Variants in PARP10 observed in about 807,000 individuals in gnomAD.
PARP10 encodes the protein poly(ADP-ribose) polymerase family member 10.
Under a neutral mutation model 82.4 loss-of-function variants are expected in PARP10, and 56 were observed. That is an observed-to-expected ratio of 0.68 (90% CI 0.55 to 0.85). The LOEUF (loss-of-function observed/expected upper bound fraction) is 0.85, where lower values mean the gene tolerates loss of function less well. PARP10 is among the 40% of genes least tolerant of loss of function. The pLI is 0.00. For synonymous variants in PARP10, 576 were observed against 601.1 expected (o/e 0.96, Z 0.61); for missense variants, 1,227 against 1,379.4 (o/e 0.89, Z 1.75).
At position 143,983,266 on chromosome 8, in the gene PARP10, C is replaced by T. The variant is rs1315540211; in HGVS notation, c.2323G>A (p.Gly775Arg). 4.3e-6 allele frequency: 7 copies of T among 1,612,848 alleles called. No individual in the cohort carries two copies. Among genetic ancestry groups the T allele is most frequent in the South Asian group, 2.2e-5 (2 of 91,004 alleles). Residue 775 changes from glycine to arginine, a missense_variant, in exon 8 of 11, where the codon GGG becomes AGG. Transcript: ENST00000313028. Reference sequence around the variant, plus strand: ...CGGGCAGCACGGGCAGGGTGGGCCCCGAAGCCACGGAGGATGGTGCAGTCA... The same window carrying T: ...CGGGCAGCACGGGCAGGGTGGGCCCTGAAGCCACGGAGGATGGTGCAGTCA... ...RGDCTILRGF[G>R]AHPARAARHL...
At chr8:144,012,512 G>C in intron 1 of PARP10, 1 of 1,551,586 alleles carries the variant, frequency 6.4e-7, no homozygotes, top group Admixed American at 2.0e-5. Context: ...CACTGCCCCA[G>C]GGCATGTCTC....
At chr8:143,982,839 T>C in intron 9 of PARP10, 93 bp downstream of exon 9, 1 of 1,541,346 alleles carries the variant, frequency 6.5e-7, no homozygotes, top group Non-Finnish European at 8.7e-7. Context: ...GACCTTGATG[T>C]AGGCGAGAGG....
At position 143,977,826 on chromosome 8, in the gene PARP10, C is replaced by T. The variant is rs1554746660; in HGVS notation, c.2736G>A (p.Thr912=). 8.8e-6 allele frequency: 14 copies of T among 1,598,386 alleles called. No individual in the cohort carries two copies. Among genetic ancestry groups the T allele is most frequent in the Non-Finnish European group, 1.2e-5 (14 of 1,172,746 alleles). Residue 912 remains threonine, a synonymous_variant, in exon 11 of 11, where the codon ACG becomes ACA. Transcript: ENST00000313028. ...FNRSFCGRNA[T]VYGKGVYFAR... ...CGAAATACACGCCCTTCCCGTAGAC[C>T]GTGGCTGCAGGGCGAGACGGGGCAA...
Position 143,977,388 on chromosome 8 carries a change from G to C in PARP10, c.*96C>G. The C allele has an allele frequency of 8.3e-7, 1 of 1,207,766 alleles. No homozygotes were observed. The highest frequency in any genetic ancestry group is 2.6e-5 in the East Asian group (1 of 38,794). 74.8% of individuals were successfully genotyped at this position (1,207,766 alleles called of 1,614,324 possible). A position where few individuals can be genotyped will look rare whatever the true frequency, so the allele number is the denominator to read the frequency against. On this transcript the variant is annotated 3_prime_UTR_variant, in exon 11 of 11. Transcript: ENST00000313028. Reference sequence around the variant, plus strand: ...GCAGAGGGAGGCAGGGGCGTCCCCGGGGACAGCTCAGGCGGCCACAGTTGG... The same window carrying C: ...GCAGAGGGAGGCAGGGGCGTCCCCGCGGACAGCTCAGGCGGCCACAGTTGG...
chr8:143,980,032 C>A (rs1384877719), intron 9 of PARP10, among the ~76,000 whole-genome samples: 10 of 124,078 alleles, frequency 8.1e-5, no homozygotes, highest in East Asian at 7.1e-4. Context: ...AAAAAAAAAA[C>A]CCGTCTCAGC....
At chr8:144,006,630 T>C (rs1473862701) in intron 1 of PARP10, among the ~76,000 whole-genome samples, 1 of 152,182 alleles carries the variant, frequency 6.6e-6, no homozygotes, top group Non-Finnish European at 1.5e-5. Context: ...GTGTCCCCCC[T>C]CAAAATGCAT....
chr8:143,983,537 G>A lies in PARP10; in HGVS notation c.2052C>T (p.Thr684=). Residue 684 remains threonine, a synonymous_variant, in exon 8 of 11, where the codon ACC becomes ACT. Transcript: ENST00000313028. ...EEAAALRQAL[T]LSLLEQPPLE... is the part of the protein sequence containing the mutation. ...ACGGGGGCTGCTCCAGCAGGGAGAG[G>A]GTTAGGGCTTGCCGCAGGGCAGCAG... 6.2e-7 allele frequency: 1 copy of A among 1,606,670 alleles called. No individual in the cohort carries two copies. The highest frequency in any genetic ancestry group is 1.3e-5 in the African/African-American group (1 of 74,944).
At chr8:144,006,094 A>G (rs2133081410) in intron 1 of PARP10, among the ~76,000 whole-genome samples, 1 of 151,962 alleles carries the variant, frequency 6.6e-6, no homozygotes, top group Admixed American at 6.5e-5. Flanking sequence ...ATCAACTTCC[A>G]GCCTGGCTGC....
Position 143,978,153 on chromosome 8 carries a change from C to G in PARP10, c.2557-72G>C, listed in dbSNP as rs531738542. ...GGGGCCGACGCAGGGCAGAGCTGAG[C>G]CTGGCAACCAGGAGCCCTCTGTTGG... is the stretch of plus-strand genomic sequence containing the variant. On this transcript the variant is annotated intron_variant, in intron 9 of 10. Transcript: ENST00000313028. The G allele has an allele frequency of 2.5e-3, 3,512 of 1,424,156 alleles. 8 individuals carry two copies. Among genetic ancestry groups the G allele is most frequent in the Non-Finnish European group, 3.0e-3 (3,261 of 1,089,608 alleles). The allele number at this position is 1,424,156 out of a possible 1,614,324, so 88.2% of individuals were successfully genotyped here. A position where few individuals can be genotyped will look rare whatever the true frequency, so the allele number is the denominator to read the frequency against.
chr8:143,977,989 C>T lies in PARP10; in HGVS notation c.2649G>A (p.Gln883=), dbSNP rs782544946. 6 of 1,595,366 alleles carry T rather than the reference C, an allele frequency of 3.8e-6. No individual in the cohort carries two copies. Among genetic ancestry groups the T allele is most frequent in the Non-Finnish European group, 5.1e-6 (6 of 1,177,274 alleles). The change falls in exon 10 of 11, where the codon CAG becomes CAA. Residue 883 remains glutamine (Q), a synonymous_variant. Coordinates refer to ENST00000313028, the MANE Select transcript of PARP10 (RefSeq NM_032789.5). ...LQRCERRPVE[Q]VLYHGTTAPA... ...GTGCCGTCGTGCCGTGGTACAGCAC[C>T]TGCTCCACCGGGCGCCGCTCGCATC...
At chr8:143,992,933 C>G, upstream of PARP10, 1 of 1,098,022 alleles carries the variant, frequency 9.1e-7, no homozygotes, top group Non-Finnish European at 1.3e-6. Context: ...TCCCCTCTCT[C>G]TTGTCCCCAG....
Position 144,008,216 on chromosome 8 carries a change from G to T in PARP10, c.-80+4314C>A, listed in dbSNP as rs568060694. On this transcript the variant is annotated intron_variant, in intron 1 of 3. Coordinates refer to the PARP10 transcript ENST00000530478. The surrounding 1 kb of genome is among the most constrained non-coding windows in gnomAD (Gnocchi z 4.0). ...TGCTTCCCAGGAGGTGCCTCTCAGCGCACCCAGCATGGAGGCAGCACGTTG... is the reference window on the plus strand; with the variant it reads ...TGCTTCCCAGGAGGTGCCTCTCAGCTCACCCAGCATGGAGGCAGCACGTTG... Among the ~76,000 whole-genome samples, 1 of 152,148 alleles carries T rather than the reference G, an allele frequency of 6.6e-6. No individual in the cohort carries two copies. Among genetic ancestry groups the T allele is most frequent in the African/African-American group, 2.4e-5 (1 of 41,426 alleles).
In PARP10 at chr8:143,977,597, C is replaced by A; in HGVS notation, c.2965G>T (p.Val989Phe). 6.3e-7 allele frequency: 1 copy of A among 1,583,556 alleles called. No individual in the cohort carries two copies. Among genetic ancestry groups the A allele is most frequent in the Admixed American group, 1.8e-5 (1 of 55,930 alleles). Reference protein sequence around the residue: ...VDCICQPSIFVIFHDTQALPT... With the variant: ...VDCICQPSIFFIFHDTQALPT... ...AGCGCCTGGGTGTCGTGGAAGATGA[C>A]GAAGATGCTGGGCTGGCAGATGCAG... Residue 989 changes from valine to phenylalanine, a missense_variant, in exon 11 of 11, where the codon GTC becomes TTC. Transcript: ENST00000313028.
chr8:143,980,319 CAAAAAAA>C (rs564801582), intron 9 of PARP10, among the ~76,000 whole-genome samples: 5 of 16,096 alleles, frequency 3.1e-4, no homozygotes, highest in East Asian at 4.1e-3. Flanking sequence ...GATTCCGTCT[CAAAAAAA>C]AAAAAAAAAA....
intron 9 of PARP10, among the ~76,000 whole-genome samples, chr8:143,981,138 C>CAAGCATACCATTTAAAGTCATCAA (rs1833839201): frequency 6.6e-6 from 1 of 150,450 alleles, no homozygotes; most frequent in African/African-American, 2.5e-5. Context: ...AGGTGCTCAC[C>CAAGCATACCATTTAAAGTCATCAA]GGAAGAACCA....
In PARP10 at chr8:143,977,405, C is replaced by CCCGGGG; in HGVS notation, c.*78_*79insCCCCGG. 5.3e-6 allele frequency: 7 copies of CCCGGGG among 1,324,048 alleles called. No homozygotes were observed. Among genetic ancestry groups the CCCGGGG allele is most frequent in the Non-Finnish European group, 7.1e-6 (7 of 986,748 alleles). 82.0% of individuals were successfully genotyped at this position (1,324,048 alleles called of 1,614,324 possible). On this transcript the variant is annotated 3_prime_UTR_variant, in exon 11 of 11. Transcript: ENST00000313028. Reference sequence around the variant, plus strand: ...CGTCCCCGGGGACAGCTCAGGCGGCCACAGTTGGGGGCGGGGAGCATCAGC... The same window carrying CCCGGGG: ...CGTCCCCGGGGACAGCTCAGGCGGCCCCGGGGACAGTTGGGGGCGGGGAGCATCAGC...
chr8:143,983,142 C>A, intron 8 of PARP10, 25 bp downstream of exon 8: 1 of 1,611,944 alleles, frequency 6.2e-7, no homozygotes, highest in East Asian at 2.2e-5. Flanking sequence ...ACCCCACCGT[C>A]CCTCAGTCCA....
upstream of PARP10, chr8:143,991,169 T>A: frequency 7.6e-7 from 1 of 1,310,850 alleles, no homozygotes; most frequent in Non-Finnish European, 1.0e-6. Context: ...TCAAGCCAAC[T>A]GTTCCACTGT....
intron 1 of PARP10, among the ~76,000 whole-genome samples, chr8:144,009,702 C>T (rs1554752315): frequency 6.6e-6 from 1 of 152,188 alleles, no homozygotes; most frequent in African/African-American, 2.4e-5. Context: ...TCCAAATATT[C>T]ACTCTAAACT....
Sources: allele counts gnomAD v4.1 joint callset (sites outside exome capture counted in the v4.1 genomes callset), GRCh38; gene constraint gnomAD v4.1.1; non-coding constraint Gnocchi (gnomAD v3.1); transcripts MANE v1.5; gene names NCBI Gene and HGNC (gene_info 2026-07-23, HGNC 2026-07-21).